The following BCAS1 variants were observed in gnomAD, a reference collection of about 807,000 sequenced individuals.
BCAS1 encodes brain enriched myelin associated protein 1.
In BCAS1, 46 loss-of-function variants were observed where a neutral mutation model predicts 65.4. The observed-to-expected ratio is 0.70, with a 90% CI of 0.55 to 0.90. The LOEUF (loss-of-function observed/expected upper bound fraction) is 0.90, where lower values mean the gene tolerates loss of function less well. Among genes scored for constraint, BCAS1 ranks in the 40% least tolerant of loss-of-function variants. The probability of loss-of-function intolerance (pLI) is 0.00; values close to 1 mark genes in which losing one functional copy is unlikely to be tolerated. For synonymous variants in BCAS1, 298 were observed against 293.5 expected, an observed-to-expected ratio of 1.02 and a Z score of -0.16; for missense variants, 793 against 771.2, an observed-to-expected ratio of 1.03 and a Z score of -0.33.
chr20:54,069,008 C>T (rs2092480411), intron 1 of BCAS1, among the ~76,000 whole-genome samples: 1 of 152,150 alleles, frequency 6.6e-6, no homozygotes, highest in South Asian at 2.1e-4. Flanking sequence ...AAAACAAAAC[C>T]CTTCTGGGTT....
rs2091735770 is a variant in BCAS1, at chr20:54,028,780, G to A, written c.335C>T (p.Ala112Val). Residue 112 changes from alanine (A) to valine (V), a missense_variant, in exon 4 of 13, where the codon GCA becomes GTA. Physicochemically the swap from Ala to Val is moderately conservative, Grantham distance 64. Transcript: ENST00000688948. ...CTTCACTGATCCAAGGGATGAATCT[G>A]CGGCTTGGTCTCCGGTACGTCCTGG... The part of the protein sequence containing the change: ...PVPGRTGDQA[A>V]DSSLGSVKLD... 1 of 1,614,172 alleles carries A rather than the reference G, an allele frequency of 6.2e-7. No individual in the cohort carries two copies. The highest frequency in any genetic ancestry group is 8.5e-7 in the Non-Finnish European group (1 of 1,180,020).
At chr20:53,964,926 C>A (rs895091295) in intron 10 of BCAS1, among the ~76,000 whole-genome samples, 1 of 150,562 alleles carries the variant, frequency 6.6e-6, no homozygotes, top group Non-Finnish European at 1.5e-5. Context: ...CTGTACCTCT[C>A]AATTCCATCC....
chr20:54,054,953 C>T (rs1479566359), intron 3 of BCAS1, among the ~76,000 whole-genome samples: 1 of 151,842 alleles, frequency 6.6e-6, no homozygotes, highest in Non-Finnish European at 1.5e-5. Flanking sequence ...TGAGATATAC[C>T]TATGCATATG....
At chr20:53,951,987 AAAGG>A (rs1156865352) in intron 12 of BCAS1, among the ~76,000 whole-genome samples, 2 of 152,302 alleles carry the variant, frequency 1.3e-5, no homozygotes, top group African/African-American at 2.4e-5. Flanking sequence ...AGAAGGGAAA[AAAGG>A]AAGGAAGGAA....
In BCAS1 at chr20:53,955,606, C is replaced by A. The variant is rs117690999; in HGVS notation, c.1551+1826G>T. ...TTCCACCATAACCTTGCTGTGTGAC[C>A]AAGGATAAACTGACCTCCTAGTTTC... is the stretch of plus-strand genomic sequence containing the variant. On this transcript the variant is annotated intron_variant, in intron 11 of 12. Transcript: ENST00000688948. 7.6e-4 allele frequency among the ~76,000 whole-genome samples: 116 copies of A among 152,262 alleles called. 3 individuals carry two copies. In the East Asian group the frequency reaches 0.016, roughly 21 times the overall value.
chr20:53,999,362 T>C (rs1411148934), intron 4 of BCAS1, among the ~76,000 whole-genome samples: 1 of 152,234 alleles, frequency 6.6e-6, no homozygotes, highest in Non-Finnish European at 1.5e-5. Flanking sequence ...GCCAAGATTG[T>C]GCAAGGCAAA....
chr20:53,954,324 AGAGAGAGAGAGG>A (rs1418204361), intron 11 of BCAS1, among the ~76,000 whole-genome samples: 232 of 151,924 alleles, frequency 1.5e-3, no homozygotes, highest in African/African-American at 4.1e-3. Context: ...AGAGAGAGAG[AGAGAGAGAGAGG>A]GACCAGGCAT....
chr20:53,984,228 A>G (rs1293471118), intron 8 of BCAS1, among the ~76,000 whole-genome samples: 1 of 152,134 alleles, frequency 6.6e-6, no homozygotes, highest in Non-Finnish European at 1.5e-5. Context: ...CATATACCTC[A>G]CTTGGAAATT....
chr20:53,984,885 T>TG (rs1289119977), intron 8 of BCAS1, among the ~76,000 whole-genome samples: 1 of 152,148 alleles, frequency 6.6e-6, no homozygotes, highest in Non-Finnish European at 1.5e-5. Flanking sequence ...TCTGTCTGGC[T>TG]GGGGAGGAGT....
chr20:53,988,811 G>A (rs944902084), intron 7 of BCAS1, among the ~76,000 whole-genome samples: 2 of 152,194 alleles, frequency 1.3e-5, no homozygotes, highest in East Asian at 1.9e-4. Context: ...TGGTGGCTAA[G>A]TAACTTGCCC....
chr20:53,954,615 C>T (rs2089645901), intron 11 of BCAS1, among the ~76,000 whole-genome samples: 1 of 152,160 alleles, frequency 6.6e-6, no homozygotes, highest in South Asian at 2.1e-4. Context: ...ATCCCACATG[C>T]TTCCAATAAT....
intron 4 of BCAS1, among the ~76,000 whole-genome samples, chr20:54,015,725 T>C (rs1290913716): frequency 6.6e-6 from 1 of 152,200 alleles, no homozygotes; most frequent in Non-Finnish European, 1.5e-5. Flanking sequence ...AGTTTGGAAA[T>C]TATTGTTAGA....
At chr20:53,949,188 G>A (rs73275876) in intron 12 of BCAS1, among the ~76,000 whole-genome samples, 4,673 of 138,282 alleles carry the variant, frequency 0.034, 120 homozygotes, top group African/African-American at 0.077. Context: ...CTGTGTGTGC[G>A]TATATGCATA....
In BCAS1 at chr20:54,028,664, C is replaced by T; in HGVS notation, c.451G>A (p.Asp151Asn). The T allele has an allele frequency of 1.9e-6, 3 of 1,614,186 alleles. No homozygotes were observed. Among genetic ancestry groups the T allele is most frequent in the Non-Finnish European group, 2.5e-6 (3 of 1,180,034 alleles). ...GCCGGGGCGTGCCCTGGGGTTTTAT[C>T]TGTGTCCTGCCCCGGTCCAGCTGCC... ...PVAAGPGQDT[D>N]KTPGHAPAQD... The change falls in exon 4 of 13, where the codon GAT becomes AAT. Residue 151 changes from aspartate to asparagine, a missense_variant. Transcript: ENST00000688948.
At chr20:54,006,170 T>C (rs1301377084) in intron 4 of BCAS1, among the ~76,000 whole-genome samples, 1 of 152,190 alleles carries the variant, frequency 6.6e-6, no homozygotes, top group African/African-American at 2.4e-5. Flanking sequence ...AGAAACATCA[T>C]GTGGATGCCC....
At chr20:54,006,796 G>A (rs1038611152) in intron 4 of BCAS1, among the ~76,000 whole-genome samples, 1 of 152,138 alleles carries the variant, frequency 6.6e-6, no homozygotes, top group African/African-American at 2.4e-5. Flanking sequence ...TGAAAGATTA[G>A]GAGAGAAATT....
At chr20:54,000,766 T>A (rs577424072) in intron 4 of BCAS1, among the ~76,000 whole-genome samples, 1 of 152,362 alleles carries the variant, frequency 6.6e-6, no homozygotes, top group East Asian at 1.9e-4. Flanking sequence ...TCTAATCTGT[T>A]GTTAATGTCA....
At chr20:53,995,181 AT>A in intron 5 of BCAS1, 125 bp from the exon 6 acceptor site, 1 of 776,248 alleles carries the variant, frequency 1.3e-6, no homozygotes, top group Non-Finnish European at 2.1e-6. Context: ...AATGAGAAGT[AT>A]TTTTAGTTCA....
chr20:53,956,043 T>C (rs945665726), intron 11 of BCAS1, among the ~76,000 whole-genome samples: 7 of 152,240 alleles, frequency 4.6e-5, no homozygotes, highest in African/African-American at 1.7e-4. Flanking sequence ...TTTGTGAGTG[T>C]GATATGGGCA....
Sources: allele counts gnomAD v4.1 joint callset (sites outside exome capture counted in the v4.1 genomes callset), GRCh38; gene constraint gnomAD v4.1.1; transcripts MANE v1.5; gene names NCBI Gene and HGNC (gene_info 2026-07-23, HGNC 2026-07-21).